TFCP2: variants seen among roughly 807,000 people sequenced by gnomAD.
The protein encoded by TFCP2 is alpha-globin transcription factor CP2.
TFCP2 carries 33 observed loss-of-function variants against 73.4 expected under a neutral mutation model. The observed-to-expected ratio is 0.45, with a 90% CI of 0.34 to 0.60. The LOEUF is 0.60. Ranked by LOEUF, TFCP2 falls within the 20% of genes least tolerant of loss-of-function variation. TFCP2 has a pLI of 0.01. For missense variants in TFCP2, 352 were observed against 604.0 expected (o/e 0.58, Z 4.37); for synonymous variants, 193 against 211.6 (o/e 0.91, Z 0.76).
In TFCP2 at chr12:51,102,041, G is replaced by T; in HGVS notation, c.1061-16C>A. On this transcript the variant is annotated splice_polypyrimidine_tract_variant and intron_variant, in intron 10 of 14. Coordinates refer to ENST00000257915, the MANE Select transcript of TFCP2 (RefSeq NM_005653.5). ...AAATCTGCCCCTGGAATAAATATAAGAAAATGGATGATAAAGGCAAAGATT... is the reference window on the plus strand; with the variant it reads ...AAATCTGCCCCTGGAATAAATATAATAAAATGGATGATAAAGGCAAAGATT... 9 of 1,531,894 alleles carry T rather than the reference G, an allele frequency of 5.9e-6. No individual in the cohort carries two copies. Among genetic ancestry groups the T allele is most frequent in the Non-Finnish European group, 8.1e-6 (9 of 1,106,344 alleles). The allele number at this position is 1,531,894 out of a possible 1,614,324, so 94.9% of individuals were successfully genotyped here.
chr12:51,102,663 T>G (rs1838263460), intron 10 of TFCP2, among the ~76,000 whole-genome samples: 1 of 152,092 alleles, frequency 6.6e-6, no homozygotes, highest in Admixed American at 6.5e-5. Context: ...AGGTAGAGGT[T>G]GCAGTGAGCT....
At chr12:51,137,400 G>A (rs1011613080) in intron 1 of TFCP2, among the ~76,000 whole-genome samples, 1 of 152,082 alleles carries the variant, frequency 6.6e-6, no homozygotes, top group African/African-American at 2.4e-5. Context: ...AAGCTGAAAA[G>A]TATCTGTGTC....
At chr12:51,165,196 A>G (rs2137048750) in intron 1 of TFCP2, among the ~76,000 whole-genome samples, 1 of 152,302 alleles carries the variant, frequency 6.6e-6, no homozygotes, top group Middle Eastern at 3.4e-3. Flanking sequence ...CTCTTAAAAA[A>G]AAGACATGAT....
chr12:51,160,338 T>C (rs896162272), intron 1 of TFCP2, among the ~76,000 whole-genome samples: 1 of 152,148 alleles, frequency 6.6e-6, no homozygotes, highest in Non-Finnish European at 1.5e-5. Context: ...GGTTTCACCC[T>C]GTTGGCCAAG....
rs543910017 is a variant in TFCP2 at position 51,124,636 on chromosome 12, C to T, written c.123-5864G>A. On this transcript the variant is annotated intron_variant, in intron 1 of 14. Coordinates refer to ENST00000257915, the MANE Select transcript of TFCP2 (RefSeq NM_005653.5). ...CCCCGCCGGCAGGTAGGTCATGTTC[C>T]GAGAGCCTCCGCGGCTTCCAACTTG... The T allele has an allele frequency of 4.0e-5, 22 of 554,666 alleles. No homozygotes were observed. In the East Asian group the frequency reaches 7.2e-4, roughly 18 times the overall value. 34.4% of individuals were successfully genotyped at this position (554,666 alleles called of 1,614,324 possible). A position where few individuals can be genotyped will look rare whatever the true frequency, so the allele number is the denominator to read the frequency against.
At chr12:51,150,980 G>A (rs1055588090) in intron 1 of TFCP2, among the ~76,000 whole-genome samples, 8 of 152,066 alleles carry the variant, frequency 5.3e-5, no homozygotes, top group Non-Finnish European at 8.8e-5. Context: ...TAAAGCAGAG[G>A]GGGTAAAGAA....
chr12:51,144,346 C>G (rs1406808273), intron 1 of TFCP2, among the ~76,000 whole-genome samples: 1 of 152,064 alleles, frequency 6.6e-6, no homozygotes, highest in African/African-American at 2.4e-5. Flanking sequence ...TCTAAAATTT[C>G]TATCAATAAG....
intron 1 of TFCP2, among the ~76,000 whole-genome samples, chr12:51,144,425 A>G (rs1320161010): frequency 6.6e-6 from 1 of 152,174 alleles, no homozygotes; most frequent in Non-Finnish European, 1.5e-5. Context: ...AGATACCAAC[A>G]ATTACTTAAA....
chr12:51,128,793 A>T (rs910071812), intron 1 of TFCP2, among the ~76,000 whole-genome samples: 6 of 152,138 alleles, frequency 3.9e-5, no homozygotes, highest in African/African-American at 7.2e-5. Flanking sequence ...CCTTTGTAAC[A>T]TTTTTTTATA....
chr12:51,163,985 G>C (rs748558963), intron 1 of TFCP2, among the ~76,000 whole-genome samples: 1 of 150,900 alleles, frequency 6.6e-6, no homozygotes, highest in African/African-American at 2.4e-5. Flanking sequence ...CAGGAGGATC[G>C]CTTGAGGCCA....
At chr12:51,141,717 T>C (rs1178803901) in intron 1 of TFCP2, among the ~76,000 whole-genome samples, 7 of 149,198 alleles carry the variant, frequency 4.7e-5, no homozygotes, top group Non-Finnish European at 8.9e-5. Flanking sequence ...CTGGACAACA[T>C]AGTGAAAACT....
At chr12:51,108,907 C>T (rs1016930157) in intron 6 of TFCP2, among the ~76,000 whole-genome samples, 1 of 152,122 alleles carries the variant, frequency 6.6e-6, no homozygotes, top group African/African-American at 2.4e-5. Flanking sequence ...ATGTTCTTGC[C>T]TCTAGCCCTC....
At chr12:51,137,481 G>A (rs954592419) in intron 1 of TFCP2, among the ~76,000 whole-genome samples, 1 of 152,074 alleles carries the variant, frequency 6.6e-6, no homozygotes, top group Non-Finnish European at 1.5e-5. Context: ...AATCAGCAAA[G>A]CCCTACCTCA....
chr12:51,126,315 A>G (rs1940818501), intron 1 of TFCP2, among the ~76,000 whole-genome samples: 1 of 152,018 alleles, frequency 6.6e-6, no homozygotes, highest in Admixed American at 6.6e-5. Context: ...TTAAAAATGT[A>G]TACCCCTAAA....
At chr12:51,144,426 A>T (rs576639729) in intron 1 of TFCP2, among the ~76,000 whole-genome samples, 5 of 152,328 alleles carry the variant, frequency 3.3e-5, no homozygotes, top group African/African-American at 9.6e-5. Context: ...GATACCAACA[A>T]TTACTTAAAA....
chr12:51,107,457 T>G, intron 6 of TFCP2, 111 bp from the exon 7 acceptor site: 1 of 803,460 alleles, frequency 1.2e-6, no homozygotes, highest in Non-Finnish European at 2.1e-6. Flanking sequence ...TGTGCAGTGA[T>G]GTAAAGGCAA....
chr12:51,095,140 G>T lies in TFCP2; in HGVS notation c.*101C>A. On this transcript the variant is annotated 3_prime_UTR_variant, in exon 15 of 15. Transcript: ENST00000257915. ...CCTCCACACACAGTCAGACGAGTCA[G>T]GTTCTTGCAGACCTTCAAATCTCCA... 7.6e-7 allele frequency: 1 copy of T among 1,322,812 alleles called. No individual in the cohort carries two copies. The highest frequency in any genetic ancestry group is 1.2e-5 in the South Asian group (1 of 85,332). 81.9% of individuals were successfully genotyped at this position (1,322,812 alleles called of 1,614,324 possible).
chr12:51,144,816 C>T (rs1016320168), intron 1 of TFCP2, among the ~76,000 whole-genome samples: 5 of 152,230 alleles, frequency 3.3e-5, no homozygotes, highest in Non-Finnish European at 7.3e-5. Flanking sequence ...AATCCCAACA[C>T]TTTGGGAGGC....
At chr12:51,132,697 C>T (rs1940976401) in intron 1 of TFCP2, among the ~76,000 whole-genome samples, 1 of 151,972 alleles carries the variant, frequency 6.6e-6, no homozygotes, top group South Asian at 2.1e-4. Flanking sequence ...GTATCGCTAG[C>T]TTTTACCTTT....
Sources: gnomAD v4.1 joint callset for allele counts (sites outside exome capture counted in the v4.1 genomes callset) on GRCh38, gnomAD v4.1.1 for gene constraint, MANE v1.5 for transcripts, NCBI Gene and HGNC (gene_info 2026-07-23, HGNC 2026-07-21) for gene names.